GOLM2: variants seen among roughly 807,000 people sequenced by gnomAD.
GOLM2 encodes golgi membrane protein 2.
A neutral mutation model predicts 55.9 loss-of-function variants in GOLM2; 26 were observed. The observed-to-expected ratio is 0.47, with a 90% confidence interval of 0.34 to 0.65. The LOEUF (loss-of-function observed/expected upper bound fraction) is 0.65. Among genes scored for constraint, GOLM2 ranks in the 30% least tolerant of loss-of-function variants. The pLI is 0.01. For synonymous variants in GOLM2, 165 were observed against 194.6 expected (o/e 0.85, Z 1.27); for missense variants, 486 against 531.8 (o/e 0.91, Z 0.85).
intron 1 of GOLM2, among the ~76,000 whole-genome samples, chr15:44,322,469 AGTGATATTT>A (rs1335833703): frequency 6.6e-6 from 1 of 152,194 alleles, no homozygotes; most frequent in Non-Finnish European, 1.5e-5. Context: ...ATGTATTTTT[AGTGATATTT>A]TAGTTACATT....
intron 1 of GOLM2, among the ~76,000 whole-genome samples, chr15:44,294,443 G>T (rs926000889): frequency 6.6e-6 from 1 of 152,042 alleles, no homozygotes; most frequent in South Asian, 2.1e-4. Context: ...GGCCAGACAC[G>T]GTGGCTCACG....
chr15:44,292,649 G>C (rs1004689171), intron 1 of GOLM2, among the ~76,000 whole-genome samples: 1 of 152,112 alleles, frequency 6.6e-6, no homozygotes, highest in African/African-American at 2.4e-5. Context: ...CACAGCACTT[G>C]GTGTGCCACT....
At chr15:44,362,027 A>G (rs144669481) in intron 6 of GOLM2, among the ~76,000 whole-genome samples, 2,862 of 152,336 alleles carry the variant, frequency 0.019, 96 homozygotes, top group African/African-American at 0.066. Context: ...TAAATTAGGT[A>G]TTGATGGAAC....
chr15:44,297,322 A>G (rs567767897), intron 1 of GOLM2, among the ~76,000 whole-genome samples: 3 of 152,248 alleles, frequency 2.0e-5, no homozygotes, highest in Non-Finnish European at 2.9e-5. Context: ...CTCACTGACT[A>G]CATCAGGTTA....
chr15:44,289,310 G>A lies in GOLM2; in HGVS notation c.281G>A (p.Arg94Gln), dbSNP rs142240634. 7.2e-5 allele frequency: 116 copies of A among 1,613,698 alleles called. No homozygotes were observed. In the African/African-American group the frequency reaches 1.5e-3, roughly 21 times the overall value. The change falls in exon 1 of 10, where the codon CGG becomes CAG. Residue 94 changes from arginine (R) to glutamine (Q), a missense_variant. Coordinates refer to ENST00000299957, the MANE Select transcript of GOLM2 (RefSeq NM_138423.4). The surrounding 1 kb of genome is among the most constrained non-coding windows in gnomAD (Gnocchi z 4.8). Reference sequence around the variant, plus strand: ...GCCGACTACGGCCGCCTCAGCAGCCGGCTGCAGGCCAGAGAGGGCCTCGGG... The same window carrying A: ...GCCGACTACGGCCGCCTCAGCAGCCAGCTGCAGGCCAGAGAGGGCCTCGGG... ...KEADYGRLSS[R>Q]LQAREGLGKR...
rs1284890067 is a variant in GOLM2 at position 44,289,598 on chromosome 15, A to C, written c.327+242A>C. ...GTTCTCAAGAGTGGACTGTGTGCAG[A>C]TGCTGCCTATTCTCTAAGCTCAGCT... On this transcript the variant is annotated intron_variant, in intron 1 of 9. Transcript: ENST00000299957. The surrounding 1 kb of genome is among the most constrained non-coding windows in gnomAD (Gnocchi z 4.8). 6.6e-6 allele frequency among the ~76,000 whole-genome samples: 1 copy of C among 152,184 alleles called. No individual in the cohort carries two copies. Among genetic ancestry groups the C allele is most frequent in the East Asian group, 1.9e-4 (1 of 5,192 alleles).
At chr15:44,369,114 T>TACAC (rs1309704472) in intron 6 of GOLM2, among the ~76,000 whole-genome samples, 2 of 100,540 alleles carry the variant, frequency 2.0e-5, no homozygotes, top group African/African-American at 8.0e-5. Flanking sequence ...TATATATATA[T>TACAC]ATACCCGGCT....
intron 6 of GOLM2, among the ~76,000 whole-genome samples, chr15:44,351,946 A>G (rs1455264688): frequency 6.6e-6 from 1 of 152,232 alleles, no homozygotes; most frequent in Non-Finnish European, 1.5e-5. Flanking sequence ...AAAAGGAAAG[A>G]TATTCCATGT....
In GOLM2 at chr15:44,338,427, G is replaced by A. The variant is rs549857372; in HGVS notation, c.802+110G>A. The A allele has an allele frequency of 1.1e-5, 8 of 752,230 alleles. 1 individual carries two copies. Among genetic ancestry groups the A allele is most frequent in the Middle Eastern group, 6.3e-4 (2 of 3,170 alleles). 46.6% of individuals were successfully genotyped at this position (752,230 alleles called of 1,614,324 possible). On this transcript the variant is annotated intron_variant, in intron 6 of 9. Coordinates refer to ENST00000299957, the MANE Select transcript of GOLM2 (RefSeq NM_138423.4). The stretch of plus-strand genomic sequence containing the variant: ...AAAAGTCACAGATATCTGGATGATC[G>A]ATATTTCTACTTAATTAAGTACCCA...
chr15:44,349,452 A>G (rs529110373), intron 6 of GOLM2, among the ~76,000 whole-genome samples: 2 of 152,338 alleles, frequency 1.3e-5, no homozygotes, highest in East Asian at 3.9e-4. Context: ...TAACAGTTAT[A>G]CATATATATG....
chr15:44,362,395 A>G (rs1238847471), intron 6 of GOLM2, among the ~76,000 whole-genome samples: 5 of 151,302 alleles, frequency 3.3e-5, no homozygotes, highest in African/African-American at 1.2e-4. Context: ...TTATACACCA[A>G]TAACAGACAA....
At chr15:44,380,428 G>C (rs2079393912) in intron 7 of GOLM2, among the ~76,000 whole-genome samples, 1 of 152,106 alleles carries the variant, frequency 6.6e-6, no homozygotes. Context: ...TTAGAGAGTA[G>C]AAATTTCAAA....
At chr15:44,408,878 G>T (rs962620069) in intron 9 of GOLM2, among the ~76,000 whole-genome samples, 4 of 152,136 alleles carry the variant, frequency 2.6e-5, no homozygotes, top group African/African-American at 9.7e-5. Flanking sequence ...GCAGGAGAAT[G>T]GTGTGAACCT....
chr15:44,378,362 T>G (rs2079378741), intron 6 of GOLM2, among the ~76,000 whole-genome samples: 1 of 150,766 alleles, frequency 6.6e-6, no homozygotes, highest in African/African-American at 2.4e-5. Context: ...GACTTTTTTT[T>G]TTTTTTTTTT....
In GOLM2 at chr15:44,405,154, C is replaced by A. The variant is rs528343025; in HGVS notation, c.1240+2100C>A. On this transcript the variant is annotated intron_variant, in intron 9 of 9. Coordinates refer to ENST00000299957, the MANE Select transcript of GOLM2 (RefSeq NM_138423.4). ...TTCTTCCTCCCCTGGTTCTTACTGCCACCTTCTACTTCAAGTCCCCAAGAC... is the reference window on the plus strand; with the variant it reads ...TTCTTCCTCCCCTGGTTCTTACTGCAACCTTCTACTTCAAGTCCCCAAGAC... Among the ~76,000 whole-genome samples the A allele has an allele frequency of 5.8e-4, 88 of 152,294 alleles. No individual in the cohort carries two copies. The South Asian group carries it at 7.0e-3, about 12-fold the overall frequency.
chr15:44,346,661 A>G (rs2079126499), intron 6 of GOLM2, among the ~76,000 whole-genome samples: 1 of 152,236 alleles, frequency 6.6e-6, no homozygotes, highest in African/African-American at 2.4e-5. Flanking sequence ...ATTATTGTAG[A>G]AAGTTCTGTT....
At chr15:44,389,393 G>A (rs1017210664) in intron 8 of GOLM2, among the ~76,000 whole-genome samples, 1 of 151,994 alleles carries the variant, frequency 6.6e-6, no homozygotes, top group East Asian at 2.0e-4. Flanking sequence ...CCCAGGTGTG[G>A]TGGTACACGC....
At chr15:44,292,341 C>T (rs182816171) in intron 1 of GOLM2, among the ~76,000 whole-genome samples, 2 of 151,290 alleles carry the variant, frequency 1.3e-5, no homozygotes, top group African/African-American at 2.4e-5. Flanking sequence ...GGACTACAGG[C>T]GCCCACCTCC....
At chr15:44,338,759 G>A (rs184756147) in intron 6 of GOLM2, among the ~76,000 whole-genome samples, 89 of 152,134 alleles carry the variant, frequency 5.9e-4, no homozygotes, top group Admixed American at 7.9e-4. Flanking sequence ...TGTCCTTTTA[G>A]TGAATTACCC....
Sources: gnomAD v4.1 joint callset for allele counts (sites outside exome capture counted in the v4.1 genomes callset) on GRCh38, gnomAD v4.1.1 for gene constraint, Gnocchi (gnomAD v3.1) non-coding constraint, MANE v1.5 for transcripts, NCBI Gene and HGNC (gene_info 2026-07-23, HGNC 2026-07-21) for gene names.